The following APCDD1 variants were observed in gnomAD, a reference collection of about 807,000 sequenced individuals.
APCDD1 encodes APC down-regulated 1, also known as protein APCDD1.
APCDD1 carries 15 observed loss-of-function variants against 38.1 expected under a neutral mutation model. The ratio of observed to expected loss-of-function variants is 0.39; its 90% confidence interval spans 0.26 to 0.61. The LOEUF is 0.61. Among genes scored for constraint, APCDD1 ranks in the 20% least tolerant of loss-of-function variants. The pLI is 0.49. For missense variants in APCDD1, 647 were observed against 696.2 expected, an observed-to-expected ratio of 0.93 and a Z score of 0.79; for synonymous variants, 261 against 279.7, an observed-to-expected ratio of 0.93 and a Z score of 0.67.
Position 10,488,323 on chromosome 18 carries a change from G to A in APCDD1, c.*285G>A, listed in dbSNP as rs568975850. On this transcript the variant is annotated 3_prime_UTR_variant, in exon 5 of 5. Transcript: ENST00000355285. ...TCTGGACGAGCGTGTTTGGTAGCAG[G>A]GATGAAAGCTAGGGCCTCTTATTTT... 7.6e-4 allele frequency: 288 copies of A among 381,152 alleles called. 2 individuals carry two copies. In the South Asian group the frequency reaches 0.014, roughly 19 times the overall value. 23.6% of individuals were successfully genotyped at this position (381,152 alleles called of 1,614,324 possible). A position where few individuals can be genotyped will look rare whatever the true frequency, so the allele number is the denominator to read the frequency against.
At chr18:10,455,189 C>T (rs2143498785) in intron 1 of APCDD1, 150 bp downstream of exon 1, 2 of 1,358,894 alleles carry the variant, frequency 1.5e-6, no homozygotes, top group Admixed American at 2.8e-5. Context: ...CGCCTGCCGT[C>T]TCAGCCCTGG....
Position 10,454,911 on chromosome 18 carries a change from G to T in APCDD1, c.-71G>T. ...CGCACCCGGCCGGAGGCGGAGGGCA[G>T]AGCGCGCGCCCAGTTGCCCGGGCAC... On this transcript the variant is annotated 5_prime_UTR_variant, in exon 1 of 5. Transcript: ENST00000355285. 7.0e-7 allele frequency: 1 copy of T among 1,437,980 alleles called. No homozygotes were observed. The highest frequency in any genetic ancestry group is 3.1e-5 in the East Asian group (1 of 32,498). The allele number at this position is 1,437,980 out of a possible 1,614,324, so 89.1% of individuals were successfully genotyped here. A position where few individuals can be genotyped will look rare whatever the true frequency, so the allele number is the denominator to read the frequency against.
chr18:10,465,129 G>A, intron 1 of APCDD1, among the ~76,000 whole-genome samples: 1 of 152,210 alleles, frequency 6.6e-6, no homozygotes, highest in East Asian at 1.9e-4. Context: ...CTGTGTTTTA[G>A]TGACTGCAAG....
intron 1 of APCDD1, among the ~76,000 whole-genome samples, chr18:10,464,311 A>ACACACAC (rs2030647085): frequency 8.6e-4 from 126 of 147,096 alleles, no homozygotes; most frequent in African/African-American, 3.0e-3. Flanking sequence ...CTTCAAAGTA[A>ACACACAC]ACACACACAC....
At position 10,488,221 on chromosome 18, in the gene APCDD1, G is replaced by A; in HGVS notation, c.*183G>A. The stretch of plus-strand genomic sequence containing the variant: ...ACAGCAAGGAGTGTTTGAAGTTTCT[G>A]CTTTGAACTCCGTCCAGCCTGATCC... On this transcript the variant is annotated 3_prime_UTR_variant, in exon 5 of 5. Coordinates refer to ENST00000355285, the MANE Select transcript of APCDD1 (RefSeq NM_153000.5). 1.3e-6 allele frequency: 1 copy of A among 765,988 alleles called. No individual in the cohort carries two copies. Among genetic ancestry groups the A allele is most frequent in the Non-Finnish European group, 2.1e-6 (1 of 477,080 alleles). The allele number at this position is 765,988 out of a possible 1,614,324, so 47.4% of individuals were successfully genotyped here.
At position 10,475,463 on chromosome 18, in the gene APCDD1, A is replaced by C. The variant is rs1231109399; in HGVS notation, c.774+3402A>C. 2.0e-5 allele frequency among the ~76,000 whole-genome samples: 3 copies of C among 152,212 alleles called. No homozygotes were observed. Among genetic ancestry groups the C allele is most frequent in the African/African-American group, 7.2e-5 (3 of 41,448 alleles). On this transcript the variant is annotated intron_variant, in intron 3 of 4. Transcript: ENST00000355285. This position sits in a 1 kb window ranked among gnomAD's most constrained non-coding sequence, Gnocchi z 4.0. ...GAATAATATGATACCATCTGCATAA[A>C]ACTAATAATGAAAGGAGAAGAAGAG...
chr18:10,482,640 A>G (rs1367411645), intron 3 of APCDD1, among the ~76,000 whole-genome samples: 1 of 152,182 alleles, frequency 6.6e-6, no homozygotes, highest in Non-Finnish European at 1.5e-5. Flanking sequence ...CTGGCTGTGA[A>G]GTTTTCGTGA....
rs201242467 is a variant in APCDD1, at chr18:10,485,770, G to A, written c.1083G>A (p.Glu361=). 10 of 1,612,972 alleles carry A rather than the reference G, an allele frequency of 6.2e-6. No individual in the cohort carries two copies. Among genetic ancestry groups the A allele is most frequent in the South Asian group, 1.1e-5 (1 of 91,070 alleles). The change falls in exon 4 of 5, where the codon GAG becomes GAA. Residue 361 remains glutamate (E), a synonymous_variant. Transcript: ENST00000355285. This position sits in a 1 kb window ranked among gnomAD's most constrained non-coding sequence, Gnocchi z 5.8. ...VLSSRVMGGT[E]FVFKVNHMKV... is the part of the protein sequence containing the mutation. ...CGTCCAGGGTCATGGGAGGCACCGA[G>A]TTCGTGTTCAAAGGTAGGATTCCCA...
intron 3 of APCDD1, among the ~76,000 whole-genome samples, chr18:10,482,443 C>T (rs976544919): frequency 3.3e-5 from 5 of 152,200 alleles, no homozygotes; most frequent in Non-Finnish European, 7.3e-5. Flanking sequence ...GGTAGGAGTG[C>T]GCAGCTCCTC....
intron 3 of APCDD1, among the ~76,000 whole-genome samples, chr18:10,481,925 C>G (rs2031149235): frequency 6.6e-6 from 1 of 152,240 alleles, no homozygotes. Context: ...CTGAAGTGAC[C>G]AAGTCCCACT....
Position 10,485,828 on chromosome 18 carries a change from C to T in APCDD1, c.1096+45C>T, listed in dbSNP as rs1266001814. ...TCCCAGTATCACAGCCAATAAACAG[C>T]CCTGTGACATTTTTGTGGAGGCAGA... On this transcript the variant is annotated intron_variant, in intron 4 of 4. Coordinates refer to ENST00000355285, the MANE Select transcript of APCDD1 (RefSeq NM_153000.5). This position sits in a 1 kb window ranked among gnomAD's most constrained non-coding sequence, Gnocchi z 5.8. The T allele has an allele frequency of 6.3e-7, 1 of 1,591,926 alleles. No homozygotes were observed. Among genetic ancestry groups the T allele is most frequent in the Admixed American group, 1.7e-5 (1 of 59,140 alleles).
At chr18:10,484,470 A>T (rs146109895) in intron 3 of APCDD1, among the ~76,000 whole-genome samples, 40 of 152,310 alleles carry the variant, frequency 2.6e-4, no homozygotes, top group South Asian at 4.1e-4. Flanking sequence ...AACCAGTTTT[A>T]AGTGTGCAGT....
chr18:10,479,732 G>C (rs528019039), intron 3 of APCDD1, among the ~76,000 whole-genome samples: 1 of 152,104 alleles, frequency 6.6e-6, no homozygotes, highest in East Asian at 1.9e-4. Context: ...TGTACCCATG[G>C]TCTCCTGGGA....
At position 10,471,124 on chromosome 18, in the gene APCDD1, ATCC is replaced by A. The variant is rs1206261932; in HGVS notation, c.243-401_243-399del. ...TCTTTTATAGGCCAGCACAGCACTCATCCTCCTTATCCAGAAAGAAATGCCTGC... is the reference window on the plus strand; with the variant it reads ...TCTTTTATAGGCCAGCACAGCACTCATCCTTATCCAGAAAGAAATGCCTGC... On this transcript the variant is annotated intron_variant, in intron 2 of 4. Coordinates refer to ENST00000355285, the MANE Select transcript of APCDD1 (RefSeq NM_153000.5). This position sits in a 1 kb window ranked among gnomAD's most constrained non-coding sequence, Gnocchi z 5.5. Among the ~76,000 whole-genome samples, 2 of 152,234 alleles carry A rather than the reference ATCC, an allele frequency of 1.3e-5. No homozygotes were observed. Among genetic ancestry groups the A allele is most frequent in the African/African-American group, 4.8e-5 (2 of 41,468 alleles).
At position 10,467,880 on chromosome 18, in the gene APCDD1, C is replaced by T. The variant is rs2030754379; in HGVS notation, c.59-589C>T. Among the ~76,000 whole-genome samples the T allele has an allele frequency of 6.6e-6, 1 of 152,172 alleles. No homozygotes were observed. Among genetic ancestry groups the T allele is most frequent in the East Asian group, 1.9e-4 (1 of 5,194 alleles). On this transcript the variant is annotated intron_variant, in intron 1 of 4. Coordinates refer to ENST00000355285, the MANE Select transcript of APCDD1 (RefSeq NM_153000.5). The surrounding 1 kb of genome is among the most constrained non-coding windows in gnomAD (Gnocchi z 4.8). ...ATGGCTTGGTGTAAGCAGATGGAGC[C>T]AAGCCAGCAAGCACATCCCAGCTGG...
At position 10,454,856 on chromosome 18, in the gene APCDD1, C is replaced by T; in HGVS notation, c.-126C>T. On this transcript the variant is annotated 5_prime_UTR_variant, in exon 1 of 5. Transcript: ENST00000355285. ...AGCCCGCCGGGCATGGGGCGCGCGG[C>T]AGCCGCCTGAAGCCCCGGCCTGGCC... The T allele has an allele frequency of 9.2e-7, 1 of 1,091,928 alleles. No homozygotes were observed. 67.6% of individuals were successfully genotyped at this position (1,091,928 alleles called of 1,614,324 possible).
chr18:10,486,266 A>T (rs2031248046), intron 4 of APCDD1, among the ~76,000 whole-genome samples: 1 of 152,168 alleles, frequency 6.6e-6, no homozygotes, highest in South Asian at 2.1e-4. Context: ...AGCTAGGAGG[A>T]TCGCTTGAGC....
rs1029038653 is a variant in APCDD1, at chr18:10,471,141, A to G, written c.243-389A>G. Among the ~76,000 whole-genome samples the G allele has an allele frequency of 6.6e-6, 1 of 152,248 alleles. No homozygotes were observed. The highest frequency in any genetic ancestry group is 1.5e-5 in the Non-Finnish European group (1 of 68,032). On this transcript the variant is annotated intron_variant, in intron 2 of 4. Transcript: ENST00000355285. The surrounding 1 kb of genome is among the most constrained non-coding windows in gnomAD (Gnocchi z 5.5). ...CAGCACTCATCCTCCTTATCCAGAAAGAAATGCCTGCACAGGGCAGCAGGT... is the reference window on the plus strand; with the variant it reads ...CAGCACTCATCCTCCTTATCCAGAAGGAAATGCCTGCACAGGGCAGCAGGT...
At position 10,454,700 on chromosome 18, in the gene APCDD1, C is replaced by CGGGGCGGGACGCG. The variant is rs2143496613; in HGVS notation, c.-278_-266dup. On this transcript the variant is annotated 5_prime_UTR_variant, in exon 1 of 5. Transcript: ENST00000355285. ...AGCTCAGAGCGGCGCACGCGGCGGCCGGGGCGGGACGCGGGGCCGGGCGCG... is the reference window on the plus strand; with the variant it reads ...AGCTCAGAGCGGCGCACGCGGCGGCCGGGGCGGGACGCGGGGGCGGGACGCGGGGCCGGGCGCG... The CGGGGCGGGACGCG allele has an allele frequency of 4.1e-6, 4 of 983,098 alleles. No individual in the cohort carries two copies. Among genetic ancestry groups the CGGGGCGGGACGCG allele is most frequent in the South Asian group, 4.6e-5 (1 of 21,534 alleles). 60.9% of individuals were successfully genotyped at this position (983,098 alleles called of 1,614,324 possible).
Sources: allele counts gnomAD v4.1 joint callset (sites outside exome capture counted in the v4.1 genomes callset), GRCh38; gene constraint gnomAD v4.1.1; non-coding constraint Gnocchi (gnomAD v3.1); transcripts MANE v1.5; gene names NCBI Gene and HGNC (gene_info 2026-07-23, HGNC 2026-07-21).